The following DMXL2 variants were observed in gnomAD, a reference collection of about 807,000 sequenced individuals.
DMXL2 encodes dmX-like protein 2.
DMXL2 carries 103 observed loss-of-function variants against 331.1 expected under a neutral mutation model. The observed-to-expected ratio is 0.31, with a 90% CI of 0.27 to 0.37. DMXL2 has a LOEUF of 0.37. Among genes scored for constraint, DMXL2 ranks in the 10% least tolerant of loss-of-function variants. The pLI, the probability that DMXL2 is intolerant of heterozygous loss-of-function variation, is 1.00. For missense variants in DMXL2, 3,171 were observed against 3,642.9 expected, an observed-to-expected ratio of 0.87 and a Z score of 3.33; for synonymous variants, 1,281 against 1,252.1, an observed-to-expected ratio of 1.02 and a Z score of -0.49.
At chr15:51,605,162 A>C (rs1335470559) in intron 1 of DMXL2, among the ~76,000 whole-genome samples, 2 of 152,198 alleles carry the variant, frequency 1.3e-5, no homozygotes, top group African/African-American at 4.8e-5. Flanking sequence ...ATGATACCAA[A>C]ACTCGACAAA....
intron 13 of DMXL2, 145 bp downstream of exon 13, chr15:51,535,518 A>G (rs1480812094): frequency 2.4e-5 from 15 of 621,258 alleles, no homozygotes; most frequent in Non-Finnish European, 3.4e-5. Context: ...TTAGGAAAAA[A>G]TAAATGTGTC....
intron 26 of DMXL2, among the ~76,000 whole-genome samples, chr15:51,477,796 A>G (rs2041703778): frequency 6.6e-6 from 1 of 152,110 alleles, no homozygotes; most frequent in African/African-American, 2.4e-5. Context: ...CTTCTAATTG[A>G]TATCACTTCC....
At chr15:51,543,430 C>T (rs184121586) in intron 8 of DMXL2, among the ~76,000 whole-genome samples, 1 of 152,274 alleles carries the variant, frequency 6.6e-6, no homozygotes, top group African/African-American at 2.4e-5. Context: ...AATGGTGTGT[C>T]CCCCACCTCT....
At position 51,572,217 on chromosome 15, in the gene DMXL2, C is replaced by G. The variant is rs181903569; in HGVS notation, c.214-3659G>C. ...GGATAAATTCCTGGACACATACACC[C>G]TCCCAATACTAAACCAGGAAGAAGT... On this transcript the variant is annotated intron_variant, in intron 2 of 43. Transcript: ENST00000560891. Among the ~76,000 whole-genome samples the G allele has an allele frequency of 2.2e-5, 3 of 137,890 alleles. No homozygotes were observed. In the East Asian group the frequency reaches 6.2e-4, roughly 28 times the overall value. 90.5% of individuals were successfully genotyped at this position (137,890 alleles called of 152,430 possible). A position where few individuals can be genotyped will look rare whatever the true frequency, so the allele number is the denominator to read the frequency against.
chr15:51,575,175 G>C (rs2050938553), intron 2 of DMXL2, among the ~76,000 whole-genome samples: 1 of 152,026 alleles, frequency 6.6e-6, no homozygotes, highest in African/African-American at 2.4e-5. Flanking sequence ...GCTTGATATG[G>C]GCAGTAGGAT....
chr15:51,535,295 G>T (rs886456209), intron 13 of DMXL2, among the ~76,000 whole-genome samples: 1 of 152,030 alleles, frequency 6.6e-6, no homozygotes, highest in African/African-American at 2.4e-5. Context: ...GCTTGAAAAA[G>T]TTCCAATTTT....
intron 1 of DMXL2, among the ~76,000 whole-genome samples, chr15:51,616,935 TAAAAAAAAAAAA>T (rs34051640): frequency 1.2e-5 from 1 of 81,232 alleles, no homozygotes; most frequent in African/African-American, 4.9e-5. Flanking sequence ...AGACTCCATC[TAAAAAAAAAAAA>T]AAAAAAAAAA....
Position 51,515,456 on chromosome 15 carries a change from C to T in DMXL2, c.2527-897G>A, listed in dbSNP as rs184547278. ...GATTATAATATTAGGTTGGGCCATA[C>T]AATTTTATGAAAGTTATAGGGTATT... On this transcript the variant is annotated intron_variant, in intron 14 of 43. Coordinates refer to ENST00000560891, the MANE Select transcript of DMXL2 (RefSeq NM_001378457.1). Among the ~76,000 whole-genome samples, 10 of 152,162 alleles carry T rather than the reference C, an allele frequency of 6.6e-5. No individual in the cohort carries two copies. In the East Asian group the frequency reaches 7.7e-4, roughly 12 times the overall value.
At chr15:51,583,121 C>CTTTTTT (rs1171970352) in intron 1 of DMXL2, among the ~76,000 whole-genome samples, 3 of 34,874 alleles carry the variant, frequency 8.6e-5, no homozygotes, top group Non-Finnish European at 1.3e-4. Context: ...TTTTTTTTTT[C>CTTTTTT]TTTTTTTTTT....
chr15:51,522,216 G>A (rs1210591161), intron 13 of DMXL2, among the ~76,000 whole-genome samples: 1 of 152,214 alleles, frequency 6.6e-6, no homozygotes, highest in East Asian at 1.9e-4. Context: ...CTTGATGACT[G>A]ACAGTCATAT....
chr15:51,595,146 T>C (rs1304486803), intron 1 of DMXL2, among the ~76,000 whole-genome samples: 5 of 152,210 alleles, frequency 3.3e-5, no homozygotes, highest in East Asian at 1.9e-4. Context: ...TGTTTGCAGA[T>C]GACATGATTG....
At chr15:51,535,208 C>T (rs935045312) in intron 13 of DMXL2, among the ~76,000 whole-genome samples, 3 of 152,112 alleles carry the variant, frequency 2.0e-5, no homozygotes, top group Non-Finnish European at 2.9e-5. Context: ...AGCTCAGATA[C>T]AGAACTATCA....
intron 6 of DMXL2, among the ~76,000 whole-genome samples, chr15:51,559,680 G>T (rs1016800043): frequency 6.6e-6 from 1 of 152,006 alleles, no homozygotes; most frequent in Non-Finnish European, 1.5e-5. Flanking sequence ...ATGATCGGCC[G>T]ATGTACTCCA....
intron 6 of DMXL2, among the ~76,000 whole-genome samples, chr15:51,551,125 C>A (rs1164470646): frequency 1.3e-5 from 2 of 149,268 alleles, no homozygotes; most frequent in African/African-American, 2.5e-5. Flanking sequence ...AAAAAAAAAA[C>A]TGCCCAACAT....
At chr15:51,480,183 A>C (rs781188057) in intron 24 of DMXL2, 44 bp from the exon 25 acceptor site, 2 of 1,457,270 alleles carry the variant, frequency 1.4e-6, no homozygotes, top group Admixed American at 4.5e-5. Context: ...AGTTTAAAAA[A>C]TTTTATCAGT....
intron 13 of DMXL2, among the ~76,000 whole-genome samples, chr15:51,521,443 A>AGTG (rs1317946920): frequency 1.3e-5 from 2 of 149,442 alleles, no homozygotes; most frequent in East Asian, 1.9e-4. Context: ...TAGTAGTAGT[A>AGTG]GTAGTAGTAG....
intron 18 of DMXL2, among the ~76,000 whole-genome samples, chr15:51,497,644 C>T (rs2043276215): frequency 6.6e-6 from 1 of 152,154 alleles, no homozygotes; most frequent in Non-Finnish European, 1.5e-5. Flanking sequence ...AACACCATTA[C>T]CCTGAACTAT....
intron 17 of DMXL2, 27 bp from the exon 18 acceptor site, chr15:51,500,258 G>T (rs1270557537): frequency 2.6e-6 from 4 of 1,548,984 alleles, no homozygotes; most frequent in Non-Finnish European, 3.5e-6. Context: ...CAAATAGTTA[G>T]TTGTAATAAT....
At chr15:51,545,252 T>C (rs1280644226) in intron 8 of DMXL2, among the ~76,000 whole-genome samples, 2 of 152,148 alleles carry the variant, frequency 1.3e-5, no homozygotes, top group Admixed American at 1.3e-4. Flanking sequence ...GATCTTTACA[T>C]ATTTTACTAA....
Sources: gnomAD v4.1 joint callset for allele counts (sites outside exome capture counted in the v4.1 genomes callset) on GRCh38, gnomAD v4.1.1 for gene constraint, MANE v1.5 for transcripts, NCBI Gene and HGNC (gene_info 2026-07-23, HGNC 2026-07-21) for gene names.